IGSF3: variants seen among roughly 807,000 people sequenced by gnomAD.
IGSF3 encodes the protein glu-Trp-Ile EWI motif-containing protein 3.
A neutral mutation model predicts 114.4 loss-of-function variants in IGSF3; 23 were observed. The observed-to-expected ratio is 0.20, with a 90% CI of 0.14 to 0.28. The LOEUF is 0.28. IGSF3 is among the 10% of genes least tolerant of loss of function. The probability of loss-of-function intolerance (pLI) is 1.00; values close to 1 mark genes in which losing one functional copy is unlikely to be tolerated. For missense variants in IGSF3, 1,172 were observed against 1,591.5 expected (o/e 0.74, Z 4.48); for synonymous variants, 571 against 645.2 (o/e 0.88, Z 1.74).
At chr1:116,639,651 A>G (rs182050458) in intron 2 of IGSF3, among the ~76,000 whole-genome samples, 1 of 152,392 alleles carries the variant, frequency 6.6e-6, no homozygotes, top group East Asian at 1.9e-4. Context: ...AAGTCAAAGC[A>G]TTAGAGCTTC....
chr1:116,585,386 G>T lies in IGSF3; in HGVS notation c.2441-334C>A, dbSNP rs1659794343. On this transcript the variant is annotated intron_variant, in intron 8 of 10. Coordinates refer to ENST00000369486, the MANE Select transcript of IGSF3 (RefSeq NM_001007237.3). This position sits in a 1 kb window ranked among gnomAD's most constrained non-coding sequence, Gnocchi z 4.9. ...GGACCACAAAACATGTCGCTGGCCG[G>T]GGCAGGTGGCTGGGAAGGGCGGGGG... is the stretch of plus-strand genomic sequence containing the variant. 1.3e-5 allele frequency among the ~76,000 whole-genome samples: 2 copies of T among 152,170 alleles called. No homozygotes were observed. The highest frequency in any genetic ancestry group is 1.3e-4 in the Admixed American group (2 of 15,280).
chr1:116,581,898 C>G (rs1659617268), intron 9 of IGSF3, among the ~76,000 whole-genome samples: 1 of 152,196 alleles, frequency 6.6e-6, no homozygotes, highest in Admixed American at 6.5e-5. Flanking sequence ...CCTCCAGAGT[C>G]TAACATAGTA....
rs1660827858 is a variant in IGSF3, at chr1:116,607,358, G to A, written c.1222+584C>T. ...TGAGGCAGCCTCAGAAATCAGCTAAGCTTAAAAGGCTATGCTCCAGGAAGA... is the reference window on the plus strand; with the variant it reads ...TGAGGCAGCCTCAGAAATCAGCTAAACTTAAAAGGCTATGCTCCAGGAAGA... On this transcript the variant is annotated intron_variant, in intron 5 of 10. Transcript: ENST00000369486. This position sits in a 1 kb window ranked among gnomAD's most constrained non-coding sequence, Gnocchi z 6.1. Among the ~76,000 whole-genome samples the A allele has an allele frequency of 6.6e-6, 1 of 152,180 alleles. No homozygotes were observed. The highest frequency in any genetic ancestry group is 2.1e-4 in the South Asian group (1 of 4,836).
At chr1:116,646,242 G>A (rs1173216600) in intron 2 of IGSF3, among the ~76,000 whole-genome samples, 5 of 152,190 alleles carry the variant, frequency 3.3e-5, no homozygotes, top group African/African-American at 1.2e-4. Context: ...AGTTTCAGCA[G>A]TTCCTGTCAC....
In IGSF3 at chr1:116,610,113, G is replaced by A. The variant is rs1660958061; in HGVS notation, c.833-1782C>T. ...GATTGAAGGAAGCACATTTCACTCT[G>A]CCACCATCTGCCTGGATGAACACAC... On this transcript the variant is annotated intron_variant, in intron 4 of 10. Transcript: ENST00000369486. This position sits in a 1 kb window ranked among gnomAD's most constrained non-coding sequence, Gnocchi z 4.3. Among the ~76,000 whole-genome samples, 1 of 152,176 alleles carries A rather than the reference G, an allele frequency of 6.6e-6. No homozygotes were observed. Among genetic ancestry groups the A allele is most frequent in the East Asian group, 1.9e-4 (1 of 5,184 alleles).
At chr1:116,660,479 C>CTTTTTT (rs71274759) in intron 2 of IGSF3, among the ~76,000 whole-genome samples, 466 of 99,436 alleles carry the variant, frequency 4.7e-3, no homozygotes, top group East Asian at 6.9e-3. Flanking sequence ...GTATGCTTTT[C>CTTTTTT]TTTTTTTTTT....
At chr1:116,617,627 CCTCT>C (rs1446450380) in intron 2 of IGSF3, among the ~76,000 whole-genome samples, 1 of 152,192 alleles carries the variant, frequency 6.6e-6, no homozygotes, top group Admixed American at 6.5e-5. Context: ...AGCTGCTTAA[CCTCT>C]CTAAGCCTTG....
intron 2 of IGSF3, among the ~76,000 whole-genome samples, chr1:116,637,246 T>C (rs1254931262): frequency 6.6e-6 from 1 of 152,188 alleles, no homozygotes; most frequent in Non-Finnish European, 1.5e-5. Context: ...GAAAGCACTA[T>C]TCGAAAGTTC....
intron 2 of IGSF3, among the ~76,000 whole-genome samples, 168 bp downstream of exon 2, chr1:116,666,116 G>A (rs918153452): frequency 2.6e-5 from 4 of 152,084 alleles, no homozygotes; most frequent in Non-Finnish European, 4.4e-5. Flanking sequence ...GTTGCTCTTG[G>A]GTTAGAAACG....
In IGSF3 at chr1:116,665,008, C is replaced by T. The variant is rs938746130; in HGVS notation, c.43+1276G>A. Reference sequence around the variant, plus strand: ...CATGCACACGAGAGTTTGAGAACCACTGATTGCACAAATCTATTATGAGTT... The same window carrying T: ...CATGCACACGAGAGTTTGAGAACCATTGATTGCACAAATCTATTATGAGTT... On this transcript the variant is annotated intron_variant, in intron 2 of 10. Transcript: ENST00000369486. This position sits in a 1 kb window ranked among gnomAD's most constrained non-coding sequence, Gnocchi z 4.0. Among the ~76,000 whole-genome samples the T allele has an allele frequency of 6.6e-6, 1 of 152,222 alleles. No individual in the cohort carries two copies. Among genetic ancestry groups the T allele is most frequent in the Non-Finnish European group, 1.5e-5 (1 of 68,040 alleles).
chr1:116,617,148 G>C (rs1661251852), intron 2 of IGSF3: 1 of 231,252 alleles, frequency 4.3e-6, no homozygotes, highest in Non-Finnish European at 7.1e-6. Flanking sequence ...ACAAAGGGGG[G>C]AACTAACAGT....
At position 116,644,757 on chromosome 1, in the gene IGSF3, C is replaced by G. The variant is rs772513552; in HGVS notation, c.43+21527G>C. On this transcript the variant is annotated intron_variant, in intron 2 of 10. Transcript: ENST00000369486. This position sits in a 1 kb window ranked among gnomAD's most constrained non-coding sequence, Gnocchi z 5.6. The stretch of plus-strand genomic sequence containing the variant: ...GAAACCTCCCCACCAGCAACTGGCT[C>G]CAAATGGTCAGACTTCCCAAGAAAT... 3.9e-5 allele frequency among the ~76,000 whole-genome samples: 6 copies of G among 152,190 alleles called. No individual in the cohort carries two copies. Among genetic ancestry groups the G allele is most frequent in the Non-Finnish European group, 7.3e-5 (5 of 68,044 alleles).
chr1:116,608,941 A>T (rs1660906483), intron 4 of IGSF3, among the ~76,000 whole-genome samples: 1 of 151,932 alleles, frequency 6.6e-6, no homozygotes, highest in Non-Finnish European at 1.5e-5. Context: ...ATAAAAACTA[A>T]TGTCTGTTCA....
intron 2 of IGSF3, among the ~76,000 whole-genome samples, chr1:116,620,454 G>A (rs1288863276): frequency 6.6e-6 from 1 of 152,190 alleles, no homozygotes; most frequent in Non-Finnish European, 1.5e-5. Context: ...TGCACCAGGA[G>A]AGGGCATGGG....
At chr1:116,637,212 C>T (rs996938955) in intron 2 of IGSF3, among the ~76,000 whole-genome samples, 3 of 152,326 alleles carry the variant, frequency 2.0e-5, no homozygotes, top group African/African-American at 7.2e-5. Flanking sequence ...GATAGATGCA[C>T]ATTCCCACTA....
At chr1:116,581,907 T>C (rs962531126) in intron 9 of IGSF3, among the ~76,000 whole-genome samples, 6 of 152,150 alleles carry the variant, frequency 3.9e-5, no homozygotes, top group African/African-American at 1.4e-4. Context: ...TCTAACATAG[T>C]ATCCCCACGC....
At chr1:116,608,651 C>T (rs1274108741) in intron 4 of IGSF3, among the ~76,000 whole-genome samples, 1 of 152,206 alleles carries the variant, frequency 6.6e-6, no homozygotes, top group East Asian at 1.9e-4. Context: ...CAGTGAGAAG[C>T]TACTAATATC....
At chr1:116,637,110 G>A (rs950156990) in intron 2 of IGSF3, among the ~76,000 whole-genome samples, 1 of 152,184 alleles carries the variant, frequency 6.6e-6, no homozygotes, top group Non-Finnish European at 1.5e-5. Context: ...AACGAGTCCA[G>A]CGCATGCAGA....
intron 7 of IGSF3, among the ~76,000 whole-genome samples, chr1:116,597,482 C>A (rs1188939885): frequency 6.6e-6 from 1 of 152,166 alleles, no homozygotes; most frequent in African/African-American, 2.4e-5. Flanking sequence ...CTCTGGGAGT[C>A]CTGCACGGCC....
Sources: gnomAD v4.1 joint callset for allele counts (sites outside exome capture counted in the v4.1 genomes callset) on GRCh38, gnomAD v4.1.1 for gene constraint, Gnocchi (gnomAD v3.1) non-coding constraint, MANE v1.5 for transcripts, NCBI Gene and HGNC (gene_info 2026-07-23, HGNC 2026-07-21) for gene names.